Variants in WDFY1 observed in about 807,000 individuals in gnomAD.
WDFY1 encodes the protein WD repeat and FYVE domain containing 1.
In WDFY1, 32 loss-of-function variants were observed where a neutral mutation model predicts 56.4. The observed-to-expected ratio is 0.57, with a 90% confidence interval of 0.43 to 0.76. The LOEUF (loss-of-function observed/expected upper bound fraction) is 0.76. Among genes scored for constraint, WDFY1 ranks in the 30% least tolerant of loss-of-function variants. The pLI, the probability that WDFY1 is intolerant of heterozygous loss-of-function variation, is 0.00. For missense variants in WDFY1, 480 were observed against 545.7 expected (o/e 0.88, Z 1.20); for synonymous variants, 192 against 197.3 (o/e 0.97, Z 0.23).
intron 2 of WDFY1, among the ~76,000 whole-genome samples, chr2:223,916,749 G>A (rs554436976): frequency 3.3e-5 from 5 of 152,020 alleles, no homozygotes; most frequent in Non-Finnish European, 5.9e-5. Flanking sequence ...GGATGGTGAC[G>A]CTGCTTAGAT....
rs1693514191 is a variant in WDFY1 at position 223,901,925 on chromosome 2, CT to C, written c.335-593del. Reference sequence around the variant, plus strand: ...AAAGTTCTCTGTTCCAAAATAACAGCTGAGAATGAGGAAGGTATTCTGTCTG... The same window carrying C: ...AAAGTTCTCTGTTCCAAAATAACAGCGAGAATGAGGAAGGTATTCTGTCTG... On this transcript the variant is annotated intron_variant, in intron 4 of 11. Coordinates refer to ENST00000233055, the MANE Select transcript of WDFY1 (RefSeq NM_020830.5). 2.0e-5 allele frequency among the ~76,000 whole-genome samples: 3 copies of C among 152,168 alleles called. No homozygotes were observed. The South Asian group carries it at 6.2e-4, about 32-fold the overall frequency.
At chr2:223,925,743 T>G (rs1376484601) in intron 1 of WDFY1, among the ~76,000 whole-genome samples, 1 of 152,236 alleles carries the variant, frequency 6.6e-6, no homozygotes, top group African/African-American at 2.4e-5. Flanking sequence ...TATGGAATAT[T>G]CTAAATCTTT....
intron 8 of WDFY1, among the ~76,000 whole-genome samples, chr2:223,889,746 G>T (rs1219993504): frequency 6.6e-6 from 1 of 152,176 alleles, no homozygotes; most frequent in Non-Finnish European, 1.5e-5. Context: ...TGTAAAATGG[G>T]ATAACAGTAG....
intron 9 of WDFY1, among the ~76,000 whole-genome samples, chr2:223,883,618 C>CTG (rs10626801): frequency 0.9 from 136,203 of 151,960 alleles, 61,469 homozygotes; most frequent in South Asian, 0.96. Context: ...TGGAGTATCT[C>CTG]TGAGTAAAAT....
At chr2:223,937,023 G>A (rs1694177467) in intron 1 of WDFY1, among the ~76,000 whole-genome samples, 1 of 152,310 alleles carries the variant, frequency 6.6e-6, no homozygotes, top group South Asian at 2.1e-4. Context: ...ACAGCCATGC[G>A]TATGACTATA....
In WDFY1 at chr2:223,884,681, C is replaced by T; in HGVS notation, c.900G>A (p.Gln300=). ...CEQPFFWNIK[Q]MWDTKTLGLR... is the part of the protein sequence containing the mutation. Reference sequence around the variant, plus strand: ...GCCCCAGCGTCTTGGTGTCCCACATCTGCTTTATGTTCCAGAAAAATGGCT... The same window carrying T: ...GCCCCAGCGTCTTGGTGTCCCACATTTGCTTTATGTTCCAGAAAAATGGCT... The change falls in exon 9 of 12, where the codon CAG becomes CAA. Residue 300 remains glutamine, a synonymous_variant. Coordinates refer to ENST00000233055, the MANE Select transcript of WDFY1 (RefSeq NM_020830.5). The T allele has an allele frequency of 6.2e-7, 1 of 1,614,154 alleles. No homozygotes were observed. The highest frequency in any genetic ancestry group is 1.3e-5 in the African/African-American group (1 of 75,056).
At chr2:223,929,175 T>A (rs1423068711) in intron 1 of WDFY1, among the ~76,000 whole-genome samples, 1 of 93,994 alleles carries the variant, frequency 1.1e-5, no homozygotes, top group East Asian at 2.3e-4. Flanking sequence ...TTTTTTTTTT[T>A]CTTTCTGTTT....
chr2:223,910,853 C>T (rs1693686446), intron 3 of WDFY1, among the ~76,000 whole-genome samples: 3 of 152,176 alleles, frequency 2.0e-5, no homozygotes, highest in African/African-American at 7.2e-5. Context: ...AAAACAGTTT[C>T]ATAGTTGCTT....
intron 1 of WDFY1, among the ~76,000 whole-genome samples, chr2:223,929,505 C>A (rs13023041): frequency 3.7e-3 from 556 of 152,204 alleles, no homozygotes; most frequent in Non-Finnish European, 5.9e-3. Context: ...TAACTTCCTG[C>A]AAGCTCACAA....
intron 6 of WDFY1, 106 bp from the exon 7 acceptor site, chr2:223,895,736 G>A (rs1410995288): frequency 6.7e-7 from 1 of 1,484,880 alleles, no homozygotes; most frequent in Non-Finnish European, 9.0e-7. Flanking sequence ...ACTAGGAGCA[G>A]CTGAGTCTTT....
In WDFY1 at chr2:223,877,625, T is replaced by A. The variant is rs985657442; in HGVS notation, c.*1046A>T. On this transcript the variant is annotated 3_prime_UTR_variant, in exon 12 of 12. Transcript: ENST00000233055. ...TATTGTGGAAGACTTGATGGATGAT[T>A]ATAGCTCTGGGTCACTAACTTCTTT... 2.6e-5 allele frequency: 4 copies of A among 152,234 alleles called. No individual in the cohort carries two copies. Among genetic ancestry groups the A allele is most frequent in the African/African-American group, 9.6e-5 (4 of 41,460 alleles). 9.4% of individuals were successfully genotyped at this position (152,234 alleles called of 1,614,324 possible).
In WDFY1 at chr2:223,886,646, C is replaced by T. The variant is rs749974598; in HGVS notation, c.832-1897G>A. ...TCAGGAGGCTGAGGAGAGAAAATCGCTTGAAACTGGGAGGTGGAGGTTGCA... is the reference window on the plus strand; with the variant it reads ...TCAGGAGGCTGAGGAGAGAAAATCGTTTGAAACTGGGAGGTGGAGGTTGCA... On this transcript the variant is annotated intron_variant, in intron 8 of 11. Coordinates refer to ENST00000233055, the MANE Select transcript of WDFY1 (RefSeq NM_020830.5). 1.3e-4 allele frequency among the ~76,000 whole-genome samples: 18 copies of T among 143,844 alleles called. 1 individual carries two copies. Among genetic ancestry groups the T allele is most frequent in the Non-Finnish European group, 2.1e-4 (14 of 66,966 alleles). The allele number at this position is 143,844 out of a possible 152,430, so 94.4% of individuals were successfully genotyped here. A position where few individuals can be genotyped will look rare whatever the true frequency, so the allele number is the denominator to read the frequency against.
intron 3 of WDFY1, among the ~76,000 whole-genome samples, chr2:223,906,830 T>C (rs1333788468): frequency 6.6e-6 from 1 of 151,900 alleles, no homozygotes; most frequent in East Asian, 1.9e-4. Context: ...CCAAACTTTC[T>C]ATAGATGTAA....
At chr2:223,923,177 AC>A (rs1460736902) in intron 1 of WDFY1, among the ~76,000 whole-genome samples, 1 of 152,048 alleles carries the variant, frequency 6.6e-6, no homozygotes. Context: ...TTCAAACCAG[AC>A]CCTTCCTCTT....
intron 1 of WDFY1, among the ~76,000 whole-genome samples, chr2:223,940,509 T>C (rs1469301174): frequency 2.0e-5 from 3 of 152,196 alleles, no homozygotes; most frequent in East Asian, 1.9e-4. Flanking sequence ...TCTGTACTCG[T>C]AGAGAAAAGG....
At chr2:223,919,929 C>T (rs1693861627) in intron 1 of WDFY1, among the ~76,000 whole-genome samples, 1 of 152,158 alleles carries the variant, frequency 6.6e-6, no homozygotes, top group Admixed American at 6.5e-5. Flanking sequence ...TTCATCCACT[C>T]TCCTCGACAC....
At position 223,878,435 on chromosome 2, in the gene WDFY1, G is replaced by T. The variant is rs992809172; in HGVS notation, c.*236C>A. ...CATTAGCTGTTCATGGGGAAGTTTT[G>T]CTGAAGTAATTCCAGTCTTCAGGGA... On this transcript the variant is annotated 3_prime_UTR_variant, in exon 12 of 12. Coordinates refer to ENST00000233055, the MANE Select transcript of WDFY1 (RefSeq NM_020830.5). The T allele has an allele frequency of 2.2e-5, 9 of 418,584 alleles. No individual in the cohort carries two copies. The highest frequency in any genetic ancestry group is 3.9e-5 in the Non-Finnish European group (9 of 232,008). The allele number at this position is 418,584 out of a possible 1,614,324, so 25.9% of individuals were successfully genotyped here. A position where few individuals can be genotyped will look rare whatever the true frequency, so the allele number is the denominator to read the frequency against.
intron 1 of WDFY1, among the ~76,000 whole-genome samples, chr2:223,931,688 T>TTC (rs1401028946): frequency 0.068 from 2,831 of 41,608 alleles, 95 homozygotes; most frequent in Admixed American, 0.19. Flanking sequence ...TTTTCTTTCT[T>TTC]TTTTTTTTTT....
At chr2:223,894,073 T>C (rs1181342894) in intron 8 of WDFY1, among the ~76,000 whole-genome samples, 161 bp downstream of exon 8, 2 of 152,148 alleles carry the variant, frequency 1.3e-5, no homozygotes, top group Admixed American at 1.3e-4. Flanking sequence ...CAATGCAAAA[T>C]GACACAAAGG....
Sources: allele counts gnomAD v4.1 joint callset (sites outside exome capture counted in the v4.1 genomes callset), GRCh38; gene constraint gnomAD v4.1.1; transcripts MANE v1.5; gene names NCBI Gene and HGNC (gene_info 2026-07-23, HGNC 2026-07-21).